The following ADAMTSL1 variants were observed in gnomAD, a reference collection of about 807,000 sequenced individuals.
ADAMTSL1 encodes ADAMTS like 1.
ADAMTSL1 carries 126 observed loss-of-function variants against 201.8 expected under a neutral mutation model. The ratio of observed to expected loss-of-function variants is 0.62; its 90% CI spans 0.54 to 0.72. The LOEUF (loss-of-function observed/expected upper bound fraction) is 0.72. Ranked by LOEUF, ADAMTSL1 falls within the 30% of genes least tolerant of loss-of-function variation. The pLI is 0.00. For synonymous variants in ADAMTSL1, 1,121 were observed against 903.4 expected (o/e 1.24, Z -4.32); for missense variants, 2,679 against 2,277.8 (o/e 1.18, Z -3.59).
intron 23 of ADAMTSL1, among the ~76,000 whole-genome samples, chr9:18,884,240 G>C (rs1415101031): frequency 6.6e-6 from 1 of 152,092 alleles, no homozygotes; most frequent in Non-Finnish European, 1.5e-5. Context: ...CAAGTCCTTT[G>C]CTTATTTGGG....
Position 18,258,274 on chromosome 9 carries a change from C to T in ADAMTSL1, c.207+94293C>T, listed in dbSNP as rs374404723. ...GTTCCTTTCTCAAACAAGATGCGTA[C>T]GCAAGAAAAAGATCAATGAAAAGGC... On this transcript the variant is annotated intron_variant, in intron 2 of 29. Transcript: ENST00000680146. Among the ~76,000 whole-genome samples, 11 of 151,840 alleles carry T rather than the reference C, an allele frequency of 7.2e-5. No individual in the cohort carries two copies. In the East Asian group the frequency reaches 1.7e-3, roughly 24 times the overall value.
chr9:18,529,364 A>G (rs1429586438), intron 2 of ADAMTSL1, among the ~76,000 whole-genome samples: 1 of 152,192 alleles, frequency 6.6e-6, no homozygotes, highest in Non-Finnish European at 1.5e-5. Context: ...TTTTTAGCTT[A>G]GTGTTAGTAT....
chr9:18,362,097 C>G (rs1836550162), intron 2 of ADAMTSL1: 1 of 152,164 alleles, frequency 6.6e-6, no homozygotes, highest in African/African-American at 2.4e-5. Context: ...TGAAATTTCT[C>G]ACTGTAAGGT....
intron 23 of ADAMTSL1, among the ~76,000 whole-genome samples, chr9:18,860,664 C>A (rs1588256115): frequency 6.6e-6 from 1 of 151,790 alleles, no homozygotes. Flanking sequence ...ATTCCCAATT[C>A]CCACCCCCAC....
At chr9:18,204,865 T>G (rs1467349344) in intron 2 of ADAMTSL1, among the ~76,000 whole-genome samples, 1 of 152,206 alleles carries the variant, frequency 6.6e-6, no homozygotes, top group Non-Finnish European at 1.5e-5. Flanking sequence ...TGTTCTAGAA[T>G]AAGCTTTTGA....
chr9:18,156,013 GT>G (rs1378821667), intron 1 of ADAMTSL1, among the ~76,000 whole-genome samples: 2 of 152,046 alleles, frequency 1.3e-5, no homozygotes, highest in South Asian at 4.1e-4. Flanking sequence ...AAGACAGAGG[GT>G]TGGAGAGGAA....
At chr9:18,843,960 C>T (rs1588215496) in intron 23 of ADAMTSL1, among the ~76,000 whole-genome samples, 1 of 152,118 alleles carries the variant, frequency 6.6e-6, no homozygotes, top group East Asian at 1.9e-4. Context: ...AAGTTTTCAA[C>T]TTCTTTGCCT....
intron 2 of ADAMTSL1, among the ~76,000 whole-genome samples, chr9:18,187,255 T>A (rs1163486357): frequency 1.3e-5 from 2 of 152,092 alleles, no homozygotes; most frequent in Non-Finnish European, 2.9e-5. Flanking sequence ...GTACAGTCCT[T>A]ATAGATGATG....
chr9:18,044,746 T>A (rs1195554403), intron 1 of ADAMTSL1, among the ~76,000 whole-genome samples: 1 of 152,178 alleles, frequency 6.6e-6, no homozygotes. Context: ...TTTAGCCTTT[T>A]CATTTTACCT....
At position 18,639,329 on chromosome 9, in the gene ADAMTSL1, A is replaced by G; in HGVS notation, c.752A>G (p.Asn251Ser). The G allele has an allele frequency of 6.2e-7, 1 of 1,613,100 alleles. No individual in the cohort carries two copies. Among genetic ancestry groups the G allele is most frequent in the Non-Finnish European group, 8.5e-7 (1 of 1,179,364 alleles). Residue 251 changes from asparagine to serine, a missense_variant, in exon 7 of 29, where the codon AAT becomes AGT. Coordinates refer to ENST00000380548, the MANE Select transcript of ADAMTSL1 (RefSeq NM_001040272.6). ...TCCACAGGAACTTTCCTTGTGGACA[A>G]TTCTAGTGTGGACTTCCAGAAATTT... ...LSSTGTFLVDNSSVDFQKFPD... is the reference protein window; with the variant it reads ...LSSTGTFLVDSSSVDFQKFPD...
chr9:18,044,077 T>G (rs1563966524), intron 1 of ADAMTSL1, among the ~76,000 whole-genome samples: 1 of 150,438 alleles, frequency 6.6e-6, no homozygotes, highest in Non-Finnish European at 1.5e-5. Flanking sequence ...AAATATTTTT[T>G]GAGCACCTGC....
chr9:18,367,155 T>G (rs1339793772), intron 2 of ADAMTSL1, among the ~76,000 whole-genome samples: 1 of 152,170 alleles, frequency 6.6e-6, no homozygotes. Flanking sequence ...TCTGCCCATT[T>G]AATGGTTCCT....
At chr9:18,287,372 T>C (rs1162974681) in intron 2 of ADAMTSL1, among the ~76,000 whole-genome samples, 2 of 151,868 alleles carry the variant, frequency 1.3e-5, no homozygotes, top group Non-Finnish European at 2.9e-5. Flanking sequence ...TATACACACA[T>C]ACATGTATAT....
intron 2 of ADAMTSL1, among the ~76,000 whole-genome samples, chr9:18,388,510 GTGTTC>G (rs1309299432): frequency 6.6e-6 from 1 of 152,092 alleles, no homozygotes; most frequent in Non-Finnish European, 1.5e-5. Context: ...CTGACCTCAA[GTGTTC>G]TGCCTGCCTT....
At position 18,154,277 on chromosome 9, in the gene ADAMTSL1, A is replaced by G. The variant is rs139750253; in HGVS notation, c.88-9585A>G. ...AGTGGTTTAAAACAGTATTATCATT[A>G]TGTCCCATAATTTATGGGTTGACCG... On this transcript the variant is annotated intron_variant, in intron 1 of 29. Transcript: ENST00000680146. 6.9e-3 allele frequency among the ~76,000 whole-genome samples: 1,052 copies of G among 152,174 alleles called. 6 individuals are homozygous for G. The highest frequency in any genetic ancestry group is 0.011 in the Non-Finnish European group (746 of 67,982).
At chr9:18,292,653 C>A (rs954636646) in intron 2 of ADAMTSL1, among the ~76,000 whole-genome samples, 1 of 152,000 alleles carries the variant, frequency 6.6e-6, no homozygotes, top group Non-Finnish European at 1.5e-5. Flanking sequence ...CTTCATCTTT[C>A]CCCGGTGCTG....
At chr9:18,620,463 T>C (rs935353199) in intron 4 of ADAMTSL1, among the ~76,000 whole-genome samples, 11 of 152,338 alleles carry the variant, frequency 7.2e-5, no homozygotes, top group African/African-American at 2.4e-4. Flanking sequence ...TGAATTCTTT[T>C]ATAAATAAAA....
At chr9:18,013,494 T>G (rs1032611366) in intron 1 of ADAMTSL1, among the ~76,000 whole-genome samples, 8 of 151,996 alleles carry the variant, frequency 5.3e-5, no homozygotes, top group African/African-American at 1.9e-4. Flanking sequence ...TGTAAATTTT[T>G]AAGTGAAGGA....
chr9:18,118,207 G>A (rs889573375), intron 1 of ADAMTSL1, among the ~76,000 whole-genome samples: 2 of 152,170 alleles, frequency 1.3e-5, no homozygotes, highest in African/African-American at 4.8e-5. Context: ...ATTCAGAAAT[G>A]GAAAGACGGA....
Sources: allele counts gnomAD v4.1 joint callset (sites outside exome capture counted in the v4.1 genomes callset), GRCh38; gene constraint gnomAD v4.1.1; transcripts MANE v1.5; gene names NCBI Gene and HGNC (gene_info 2026-07-23, HGNC 2026-07-21).